RGPD2: variants seen among roughly 807,000 people sequenced by gnomAD.
RGPD2 encodes RANBP2 like and GRIP domain containing 2.
RGPD2 carries 2 observed loss-of-function variants against 36.0 expected under a neutral mutation model. The observed-to-expected ratio is 0.06, with a 90% CI of 0.02 to 0.17. The LOEUF (loss-of-function observed/expected upper bound fraction) is 0.17, where lower values mean the gene tolerates loss of function less well. Ranked by LOEUF, RGPD2 falls within the 10% of genes least tolerant of loss-of-function variation. The pLI is 1.00. For missense variants in RGPD2, 40 were observed against 464.3 expected, an observed-to-expected ratio of 0.09 and a Z score of 8.40; for synonymous variants, 19 against 163.8, an observed-to-expected ratio of 0.12 and a Z score of 6.75.
chr2:87,864,473 T>C, the RGPD2 span, among the ~76,000 whole-genome samples: 1 of 152,266 alleles, frequency 6.6e-6, no homozygotes, highest in Admixed American at 6.5e-5. Context: ...ACTCTCTTTC[T>C]GGTCCCCCAG....
At chr2:87,896,981 C>G in the RGPD2 span, among the ~76,000 whole-genome samples, 1 of 152,346 alleles carries the variant, frequency 6.6e-6, no homozygotes, top group East Asian at 1.9e-4. Context: ...CAAATTCATA[C>G]AGATAACACT....
the RGPD2 span, among the ~76,000 whole-genome samples, chr2:87,913,372 A>G: frequency 1.3e-5 from 2 of 151,804 alleles, no homozygotes; most frequent in Non-Finnish European, 2.9e-5. Flanking sequence ...GAAGGGGAAT[A>G]TCACACACTG....
chr2:87,922,933 A>T, the RGPD2 span, among the ~76,000 whole-genome samples: 6 of 152,124 alleles, frequency 3.9e-5, no homozygotes, highest in Non-Finnish European at 1.5e-5. Flanking sequence ...GTTTCTTTTT[A>T]TCTTTTTTTC....
the RGPD2 span, among the ~76,000 whole-genome samples, chr2:87,967,272 G>T: frequency 3.4e-5 from 5 of 147,316 alleles, no homozygotes; most frequent in African/African-American, 5.4e-5. Flanking sequence ...GCTGGGCATG[G>T]TGGCATGCGC....
intron 1 of RGPD2, among the ~76,000 whole-genome samples, chr2:87,825,415 A>AGGCCGC (rs1686680207): frequency 1.0e-5 from 1 of 96,286 alleles, no homozygotes; most frequent in Non-Finnish European, 2.2e-5. Flanking sequence ...GCCGAGGCCG[A>AGGCCGC]GGCCGCCGCC....
the RGPD2 span, among the ~76,000 whole-genome samples, chr2:87,876,241 G>A: frequency 6.9e-6 from 1 of 145,752 alleles, no homozygotes; most frequent in East Asian, 2.0e-4. Flanking sequence ...TCTGATCTTG[G>A]TTATTTGTTG....
chr2:87,912,097 TC>T, the RGPD2 span, among the ~76,000 whole-genome samples: 3 of 151,788 alleles, frequency 2.0e-5, no homozygotes, highest in Non-Finnish European at 4.4e-5. Flanking sequence ...CCACCCATTA[TC>T]TTTTTAAAGA....
the RGPD2 span, among the ~76,000 whole-genome samples, chr2:87,864,631 T>TA: frequency 3.7e-4 from 5 of 13,418 alleles, no homozygotes; most frequent in Admixed American, 2.3e-3. Flanking sequence ...GATACATAGA[T>TA]GATAGATAGT....
At chr2:87,947,522 T>A in the RGPD2 span, among the ~76,000 whole-genome samples, 1 of 152,230 alleles carries the variant, frequency 6.6e-6, no homozygotes, top group East Asian at 1.9e-4. Flanking sequence ...GATTTGTGCA[T>A]GTGTTTTCTT....
chr2:87,824,794 G>GGCCGAGGCCGAGGCC (rs1686594937), intron 1 of RGPD2: 1 of 21,318 alleles, frequency 4.7e-5, no homozygotes, highest in Non-Finnish European at 8.4e-5. Context: ...CCGAGGCCGA[G>GGCCGAGGCCGAGGCC]GCCGCCGCCG....
At chr2:87,872,853 G>A in the RGPD2 span, among the ~76,000 whole-genome samples, 3 of 151,868 alleles carry the variant, frequency 2.0e-5, no homozygotes, top group Admixed American at 6.5e-5. Context: ...TCTGCTTCCC[G>A]GGTTCAAGTA....
upstream of RGPD2, among the ~76,000 whole-genome samples, chr2:87,829,614 G>C (rs1686921168): frequency 6.6e-6 from 1 of 151,832 alleles, no homozygotes; most frequent in African/African-American, 2.4e-5. Flanking sequence ...CAGCAGGCAA[G>C]AGAGTATGTG....
intron 1 of RGPD2, 79 bp downstream of exon 1, chr2:87,825,560 CGAGGCCGCCGCCCGGCCAG>C (rs1686750346): frequency 2.0e-6 from 2 of 998,994 alleles, no homozygotes; most frequent in Non-Finnish European, 2.4e-6. Flanking sequence ...CCGGCCAGGT[CGAGGCCGCCGCCCGGCCAG>C]GTCGAGGCCG....
intron 6 of RGPD2, among the ~76,000 whole-genome samples, chr2:87,809,828 G>C (rs1686104938): frequency 6.9e-6 from 1 of 145,514 alleles, no homozygotes; most frequent in Non-Finnish European, 1.5e-5. Context: ...CTCCCCCTCT[G>C]AGGGCCAAGG....
the RGPD2 span, among the ~76,000 whole-genome samples, chr2:87,913,201 T>C: frequency 6.6e-6 from 1 of 152,020 alleles, no homozygotes; most frequent in Non-Finnish European, 1.5e-5. Context: ...CACCATGGAA[T>C]ACTATGCAGC....
chr2:87,917,859 C>T, the RGPD2 span, among the ~76,000 whole-genome samples: 1 of 123,624 alleles, frequency 8.1e-6, no homozygotes, highest in East Asian at 2.1e-4. Flanking sequence ...TCTCTATTAA[C>T]CTTACAAGTC....
At chr2:87,858,455 A>T in the RGPD2 span, among the ~76,000 whole-genome samples, 1 of 150,500 alleles carries the variant, frequency 6.6e-6, no homozygotes, top group East Asian at 1.9e-4. Flanking sequence ...TTTTGGAGAG[A>T]GAGTCTCACT....
At chr2:87,932,814 G>A in the RGPD2 span, among the ~76,000 whole-genome samples, 3 of 151,672 alleles carry the variant, frequency 2.0e-5, no homozygotes, top group Non-Finnish European at 2.9e-5. Context: ...TCAGCTTAGA[G>A]GTCCGCTGTT....
chr2:87,894,639 T>A, the RGPD2 span, among the ~76,000 whole-genome samples: 1 of 151,964 alleles, frequency 6.6e-6, no homozygotes, highest in East Asian at 1.9e-4. Context: ...AAGTGTGGAC[T>A]CTAGTGACCA....
Sources: allele counts gnomAD v4.1 joint callset (sites outside exome capture counted in the v4.1 genomes callset), GRCh38; gene constraint gnomAD v4.1.1; transcripts MANE v1.5; gene names NCBI Gene and HGNC (gene_info 2026-07-23, HGNC 2026-07-21).